LIMCH1: variants seen among roughly 807,000 people sequenced by gnomAD.
LIMCH1 encodes LIM and calponin homology domains-containing protein 1.
LIMCH1 carries 113 observed loss-of-function variants against 176.5 expected under a neutral mutation model. The ratio of observed to expected loss-of-function variants is 0.64; its 90% confidence interval spans 0.55 to 0.75. The LOEUF (loss-of-function observed/expected upper bound fraction) is 0.75. LIMCH1 is among the 30% of genes least tolerant of loss of function. The pLI is 0.00. For missense variants in LIMCH1, 1,674 were observed against 1,814.9 expected, an observed-to-expected ratio of 0.92 and a Z score of 1.41; for synonymous variants, 619 against 645.9, an observed-to-expected ratio of 0.96 and a Z score of 0.63.
chr4:41,388,889 C>T (rs916483993), intron 1 of LIMCH1, among the ~76,000 whole-genome samples: 7 of 152,254 alleles, frequency 4.6e-5, no homozygotes, highest in East Asian at 1.9e-4. Context: ...GTGATCCACC[C>T]GCCTCGGCCT....
At chr4:41,617,252 A>G (rs1244986215) in intron 5 of LIMCH1, among the ~76,000 whole-genome samples, 1 of 152,106 alleles carries the variant, frequency 6.6e-6, no homozygotes, top group Non-Finnish European at 1.5e-5. Flanking sequence ...TCTCGTAGTC[A>G]GAACACTTTT....
intron 13 of LIMCH1, among the ~76,000 whole-genome samples, chr4:41,636,945 T>C (rs143908039): frequency 2.0e-3 from 300 of 152,312 alleles, no homozygotes; most frequent in African/African-American, 6.9e-3. Context: ...GCACTTTCTG[T>C]ATATAGCTTA....
chr4:41,467,158 T>TACACACACACACAC (rs148147336), intron 1 of LIMCH1, among the ~76,000 whole-genome samples: 8 of 143,468 alleles, frequency 5.6e-5, no homozygotes, highest in African/African-American at 2.0e-4. Flanking sequence ...TATGTATATA[T>TACACACACACACAC]ACACACACAC....
chr4:41,362,908 G>C (rs79342891), intron 1 of LIMCH1, among the ~76,000 whole-genome samples: 2,223 of 152,262 alleles, frequency 0.015, 28 homozygotes, highest in Non-Finnish European at 0.025. Context: ...GATTGTTCTT[G>C]ATGCTTTACC....
At position 41,646,282 on chromosome 4, in the gene LIMCH1, T is replaced by C; in HGVS notation, c.2411+2T>C. On this transcript the variant is annotated splice_donor_variant, in intron 16 of 31. Transcript: ENST00000503057. LOFTEE classifies it high-confidence loss of function. ...CTACAGAGAAATTGTTCAAGAAAAG[T>C]GAGTTCTTTCTGTTGTCGTTTTTAA... 6.2e-7 allele frequency: 1 copy of C among 1,603,150 alleles called. No homozygotes were observed. Among genetic ancestry groups the C allele is most frequent in the Non-Finnish European group, 8.5e-7 (1 of 1,177,248 alleles).
chr4:41,622,149 T>G (rs2092627732), intron 7 of LIMCH1, among the ~76,000 whole-genome samples: 2 of 152,202 alleles, frequency 1.3e-5, no homozygotes, highest in Non-Finnish European at 2.9e-5. Flanking sequence ...TAAAATCTTT[T>G]TTTAAAACTC....
At chr4:41,407,639 TGC>T (rs145196999) in intron 1 of LIMCH1, among the ~76,000 whole-genome samples, 1,735 of 152,246 alleles carry the variant, frequency 0.011, 33 homozygotes, top group African/African-American at 0.04. Flanking sequence ...CTGCGGAAGG[TGC>T]CAGGCTAAGA....
At chr4:41,440,626 A>G (rs1361825347) in intron 1 of LIMCH1, among the ~76,000 whole-genome samples, 3 of 152,108 alleles carry the variant, frequency 2.0e-5, no homozygotes, top group Non-Finnish European at 4.4e-5. Context: ...TCCACCTCCC[A>G]GGTTTAAGTG....
At chr4:41,434,609 C>T (rs888189677) in intron 1 of LIMCH1, among the ~76,000 whole-genome samples, 1 of 152,164 alleles carries the variant, frequency 6.6e-6, no homozygotes, top group Non-Finnish European at 1.5e-5. Flanking sequence ...CTCCACCTCC[C>T]AAGTTCAGGA....
At chr4:41,638,464 A>G (rs1462478790) in intron 13 of LIMCH1, among the ~76,000 whole-genome samples, 1 of 152,152 alleles carries the variant, frequency 6.6e-6, no homozygotes, top group Non-Finnish European at 1.5e-5. Flanking sequence ...TATTTGTGCA[A>G]ATGCATTAAC....
In LIMCH1 at chr4:41,598,934, A is replaced by G. The variant is rs762970900; in HGVS notation, c.-226A>G. 1.2e-6 allele frequency: 2 copies of G among 1,604,546 alleles called. No homozygotes were observed. The highest frequency in any genetic ancestry group is 8.5e-7 in the Non-Finnish European group (1 of 1,171,808). ...TTTCCTTCTAGGACAATATTATCTT[A>G]TTCTTGAGAGGTTGTAAAGAGCTCG... On this transcript the variant is annotated 5_prime_UTR_variant, in exon 2 of 32. Transcript: ENST00000503057.
chr4:41,422,206 G>T (rs1256362338), intron 1 of LIMCH1, among the ~76,000 whole-genome samples: 2 of 151,920 alleles, frequency 1.3e-5, no homozygotes, highest in Admixed American at 6.6e-5. Context: ...CTTAACAATG[G>T]GTATCACCTT....
At chr4:41,643,259 G>A (rs2093913162) in intron 14 of LIMCH1, among the ~76,000 whole-genome samples, 1 of 152,142 alleles carries the variant, frequency 6.6e-6, no homozygotes, top group Non-Finnish European at 1.5e-5. Context: ...GGCCATGGGA[G>A]TAACAATTTT....
chr4:41,624,711 A>G (rs1007090504), intron 7 of LIMCH1, among the ~76,000 whole-genome samples: 6 of 152,020 alleles, frequency 3.9e-5, no homozygotes, highest in Non-Finnish European at 7.4e-5. Flanking sequence ...CTAGCTACCA[A>G]TCTGACCTGG....
chr4:41,646,697 G>A lies in LIMCH1; in HGVS notation c.2624G>A (p.Arg875Gln), dbSNP rs767672193. The change falls in exon 17 of 32, where the codon CGG becomes CAG. Residue 875 changes from arginine to glutamine, a missense_variant. Arg to Gln is a conservative substitution (Grantham distance 43). This residue lies in a region of LIMCH1 where 1,015 missense variants were observed against 1,102.5 expected (regional missense o/e 0.92). Coordinates refer to ENST00000503057, the MANE Select transcript of LIMCH1 (RefSeq NM_001330672.2). ...LNDPNPMKYL[R>Q]QQSLPPPKFT... ...GACCCCAATCCCATGAAATACCTGC[G>A]GCAACAGTCACTGCCTCCACCCAAA... The A allele has an allele frequency of 2.3e-5, 37 of 1,614,004 alleles. No homozygotes were observed. Among genetic ancestry groups the A allele is most frequent in the Non-Finnish European group, 3.0e-5 (35 of 1,180,032 alleles).
chr4:41,698,608 A>T lies in LIMCH1; in HGVS notation c.*1423A>T, dbSNP rs1296236808. Reference sequence around the variant, plus strand: ...GAATGTAGACTATGGATACACTCCTAATAGATTGATGTAGTCATAAAAGGG... The same window carrying T: ...GAATGTAGACTATGGATACACTCCTTATAGATTGATGTAGTCATAAAAGGG... On this transcript the variant is annotated 3_prime_UTR_variant, in exon 32 of 32. Transcript: ENST00000503057. 6.6e-6 allele frequency: 1 copy of T among 152,646 alleles called. No homozygotes were observed. Among genetic ancestry groups the T allele is most frequent in the Non-Finnish European group, 1.5e-5 (1 of 68,044 alleles). 9.5% of individuals were successfully genotyped at this position (152,646 alleles called of 1,614,324 possible).
chr4:41,643,705 C>T (rs1202580725), intron 14 of LIMCH1, among the ~76,000 whole-genome samples: 3 of 152,042 alleles, frequency 2.0e-5, no homozygotes. Flanking sequence ...TCAGAGTTAT[C>T]CTGACAAAAA....
Position 41,487,757 on chromosome 4 carries a change from C to A in LIMCH1, c.97-6779C>A, listed in dbSNP as rs543665708. Reference sequence around the variant, plus strand: ...CACTGCAAGCTCCACCTCCTGGGTTCACGCCATTCTCCTGCCTCCCTAGTA... The same window carrying A: ...CACTGCAAGCTCCACCTCCTGGGTTAACGCCATTCTCCTGCCTCCCTAGTA... On this transcript the variant is annotated intron_variant, in intron 1 of 26. Coordinates refer to the LIMCH1 transcript ENST00000313860. 1.6e-3 allele frequency among the ~76,000 whole-genome samples: 226 copies of A among 145,006 alleles called. 1 individual carries two copies. The Middle Eastern group carries it at 0.04, about 26-fold the overall frequency.
chr4:41,367,686 A>C lies in LIMCH1; in HGVS notation c.96+6750A>C, dbSNP rs1474079647. Among the ~76,000 whole-genome samples the C allele has an allele frequency of 1.0e-3, 79 of 77,438 alleles. 3 individuals carry two copies. Among genetic ancestry groups the C allele is most frequent in the South Asian group, 9.5e-3 (24 of 2,530 alleles). The allele number at this position is 77,438 out of a possible 152,430, so 50.8% of individuals were successfully genotyped here. On this transcript the variant is annotated intron_variant, in intron 1 of 26. Transcript: ENST00000313860. Reference sequence around the variant, plus strand: ...AAACCCTGTCTCTACTAAAAATCCAAAAAAAAAAAAAAAAAAAAAAGGAAA... The same window carrying C: ...AAACCCTGTCTCTACTAAAAATCCACAAAAAAAAAAAAAAAAAAAAGGAAA...
Sources: gnomAD v4.1 joint callset for allele counts (sites outside exome capture counted in the v4.1 genomes callset) on GRCh38, gnomAD v4.1.1 for gene constraint, gnomAD v4.1.1 regional missense constraint, MANE v1.5 for transcripts, NCBI Gene and HGNC (gene_info 2026-07-23, HGNC 2026-07-21) for gene names.